Variants in CLEC3B observed in about 807,000 individuals in gnomAD.
CLEC3B encodes tetranectin.
A neutral mutation model predicts 15.4 loss-of-function variants in CLEC3B; 13 were observed. That is an observed-to-expected ratio of 0.84 (90% confidence interval 0.55 to 1.34). The LOEUF (loss-of-function observed/expected upper bound fraction) is 1.34. CLEC3B is among the 40% of genes most tolerant of loss of function. CLEC3B has a pLI of 0.00. For missense variants in CLEC3B, 242 were observed against 268.6 expected (o/e 0.90, Z 0.69); for synonymous variants, 112 against 114.7 (o/e 0.98, Z 0.15).
At chr3:45,030,324 A>G in intron 1 of CLEC3B, 1 of 734,652 alleles carries the variant, frequency 1.4e-6, no homozygotes, top group Non-Finnish European at 1.7e-6. Flanking sequence ...ACATGAGGGA[A>G]CCAAATCCAG....
intron 1 of CLEC3B, among the ~76,000 whole-genome samples, chr3:45,028,694 G>A (rs181608963): frequency 6.6e-6 from 1 of 152,312 alleles, no homozygotes; most frequent in African/African-American, 2.4e-5. Context: ...CCTAGGAGCA[G>A]CCAGGAATGA....
At chr3:45,034,065 C>G (rs755101282) in intron 2 of CLEC3B, among the ~76,000 whole-genome samples, 2 of 152,160 alleles carry the variant, frequency 1.3e-5, no homozygotes, top group Non-Finnish European at 2.9e-5. Flanking sequence ...GTAGGCTGCT[C>G]TAGGGAGGGG....
At chr3:45,029,859 C>T (rs1406587249) in intron 1 of CLEC3B, among the ~76,000 whole-genome samples, 1 of 152,216 alleles carries the variant, frequency 6.6e-6, no homozygotes, top group Non-Finnish European at 1.5e-5. Flanking sequence ...TCCCCGCCTT[C>T]CCCTGCTGAC....
Position 45,035,910 on chromosome 3 carries a change from T to C in CLEC3B, c.595T>C (p.Phe199Leu). The stretch of plus-strand genomic sequence containing the variant: ...CGATCAGCTGCCCTACATCTGCCAG[T>C]TCGGGATCGTGTAGCCGGCGGGGCG... ...CRDQLPYICQ[F>L]GIV Residue 199 changes from phenylalanine (F) to leucine (L), a missense_variant, in exon 3 of 3, where the codon TTC becomes CTC. By Grantham distance (22) the Phe-to-Leu change is conservative (BLOSUM62 0). Transcript: ENST00000296130. 6.3e-7 allele frequency: 1 copy of C among 1,595,420 alleles called. No homozygotes were observed. The highest frequency in any genetic ancestry group is 8.6e-7 in the Non-Finnish European group (1 of 1,169,472).
chr3:45,034,517 A>G (rs2125980864), intron 2 of CLEC3B: 1 of 152,378 alleles, frequency 6.6e-6, no homozygotes, highest in Middle Eastern at 3.4e-3. Context: ...CCTGTCTGTC[A>G]AGATATTCCT....
intron 1 of CLEC3B, chr3:45,030,201 G>A (rs1334183198): frequency 1.9e-5 from 19 of 985,828 alleles, no homozygotes; most frequent in Non-Finnish European, 2.3e-5. Flanking sequence ...CATCTTATTA[G>A]TAGCTGTGAT....
At chr3:45,031,968 A>G (rs932697497) in intron 2 of CLEC3B, among the ~76,000 whole-genome samples, 1 of 151,682 alleles carries the variant, frequency 6.6e-6, no homozygotes, top group African/African-American at 2.4e-5. Context: ...TTCACAGCAC[A>G]CCCGTGCAGT....
At chr3:45,028,971 C>T (rs951786645) in intron 1 of CLEC3B, among the ~76,000 whole-genome samples, 13 of 152,180 alleles carry the variant, frequency 8.5e-5, no homozygotes, top group East Asian at 3.9e-4. Flanking sequence ...AGGGAAGCTC[C>T]GGAGGGAAGG....
At chr3:45,029,621 G>A (rs1425711551) in intron 1 of CLEC3B, among the ~76,000 whole-genome samples, 1 of 152,172 alleles carries the variant, frequency 6.6e-6, no homozygotes, top group Non-Finnish European at 1.5e-5. Context: ...GCACCTTATG[G>A]GTGGACGAAG....
Position 45,028,921 on chromosome 3 carries a change from G to A in CLEC3B, c.110-1906G>A, listed in dbSNP as rs542794400. Among the ~76,000 whole-genome samples, 15 of 152,292 alleles carry A rather than the reference G, an allele frequency of 9.8e-5. No individual in the cohort carries two copies. In the South Asian group the frequency reaches 3.1e-3, roughly 32 times the overall value. ...AAGCGGGGAGCCTAGAGTACTTCTG[G>A]GAGCTCATCTGTTCTTGGGGCCACA... On this transcript the variant is annotated intron_variant, in intron 1 of 2. Coordinates refer to ENST00000296130, the MANE Select transcript of CLEC3B (RefSeq NM_003278.3).
chr3:45,033,490 C>T (rs1011693008), intron 2 of CLEC3B, among the ~76,000 whole-genome samples: 17 of 152,164 alleles, frequency 1.1e-4, no homozygotes, highest in African/African-American at 3.9e-4. Flanking sequence ...CCTCCTCCAA[C>T]CAGCATACAC....
intron 2 of CLEC3B, 50 bp downstream of exon 2, chr3:45,030,975 C>A: frequency 7.6e-7 from 1 of 1,310,358 alleles, no homozygotes; most frequent in South Asian, 1.3e-5. Flanking sequence ...AGAGAAGGGC[C>A]CAGGCCAGCA....
intron 2 of CLEC3B, chr3:45,034,624 T>C (rs2125980885): frequency 6.6e-6 from 1 of 152,316 alleles, no homozygotes; most frequent in East Asian, 1.9e-4. Flanking sequence ...AAGCTGAAAA[T>C]GCAAACTGCA....
intron 2 of CLEC3B, among the ~76,000 whole-genome samples, chr3:45,033,025 G>A (rs866981842): frequency 6.6e-6 from 1 of 152,206 alleles, no homozygotes; most frequent in Non-Finnish European, 1.5e-5. Flanking sequence ...ATGCAAGAAT[G>A]TAGCTTTTCC....
In CLEC3B at chr3:45,026,496, G is replaced by A. The variant is rs113082596; in HGVS notation, c.109+25G>A. ...GGTAAGGAGGGGGACAGAGCCCTGT[G>A]CCATCTTCCAGGGAGCAGGTCCCCC... On this transcript the variant is annotated intron_variant, in intron 1 of 2. Transcript: ENST00000296130. 351 of 1,595,968 alleles carry A rather than the reference G, an allele frequency of 2.2e-4. 1 individual carries two copies. In the African/African-American group the frequency reaches 4.1e-3, roughly 19 times the overall value.
rs2125981119 is a variant in CLEC3B at position 45,035,667 on chromosome 3, T to C, written c.352T>C (p.Tyr118His). The C allele has an allele frequency of 6.2e-7, 1 of 1,613,734 alleles. No individual in the cohort carries two copies. Among genetic ancestry groups the C allele is most frequent in the Non-Finnish European group, 8.5e-7 (1 of 1,180,034 alleles). Residue 118 changes from tyrosine to histidine, a missense_variant, in exon 3 of 3, where the codon TAT (tyrosine) becomes CAT (histidine). Physicochemically the swap from Tyr to His is moderately conservative, Grantham distance 83 (BLOSUM62 2). Transcript: ENST00000296130. ...PQTGSENDALYEYLRQSVGNE... is the reference protein window; with the variant it reads ...PQTGSENDALHEYLRQSVGNE... Reference sequence around the variant, plus strand: ...GACTGGCTCGGAGAACGACGCCCTGTATGAGTACCTGCGCCAGAGCGTGGG... The same window carrying C: ...GACTGGCTCGGAGAACGACGCCCTGCATGAGTACCTGCGCCAGAGCGTGGG...
Position 45,035,737 on chromosome 3 carries a change from A to T in CLEC3B, c.422A>T (p.Glu141Val). Residue 141 changes from glutamate (E) to valine (V), a missense_variant, in exon 3 of 3, where the codon GAG becomes GTG. By Grantham distance (121) the Glu-to-Val change is moderately radical. Transcript: ENST00000296130. ...CTGGGCCTCAACGACATGGCGGCCGAGGGCACCTGGGTGGACATGACCGGC... is the reference window on the plus strand; with the variant it reads ...CTGGGCCTCAACGACATGGCGGCCGTGGGCACCTGGGTGGACATGACCGGC... ...IWLGLNDMAA[E>V]GTWVDMTGAR... 1 of 1,613,738 alleles carries T rather than the reference A, an allele frequency of 6.2e-7. No individual in the cohort carries two copies.
At chr3:45,032,442 T>C (rs1697572373) in intron 2 of CLEC3B, among the ~76,000 whole-genome samples, 1 of 152,218 alleles carries the variant, frequency 6.6e-6, no homozygotes, top group Non-Finnish European at 1.5e-5. Flanking sequence ...TCCTCAGTTA[T>C]AAGCTCTCCC....
In CLEC3B at chr3:45,030,937, C is replaced by G; in HGVS notation, c.208+12C>G. On this transcript the variant is annotated intron_variant, in intron 2 of 2. Coordinates refer to ENST00000296130, the MANE Select transcript of CLEC3B (RefSeq NM_003278.3). ...GGCCCTGCAGACGGGTGAGTGCAGGCAGTAGCCTCTCTGGGCAGGAGCGTC... is the reference window on the plus strand; with the variant it reads ...GGCCCTGCAGACGGGTGAGTGCAGGGAGTAGCCTCTCTGGGCAGGAGCGTC... The G allele has an allele frequency of 6.5e-7, 1 of 1,544,518 alleles. No individual in the cohort carries two copies. The highest frequency in any genetic ancestry group is 8.8e-7 in the Non-Finnish European group (1 of 1,138,512).
Sources: gnomAD v4.1 joint callset for allele counts (sites outside exome capture counted in the v4.1 genomes callset) on GRCh38, gnomAD v4.1.1 for gene constraint, MANE v1.5 for transcripts, NCBI Gene and HGNC (gene_info 2026-07-23, HGNC 2026-07-21) for gene names.